The following TTC27 variants were observed in gnomAD, a reference collection of about 807,000 sequenced individuals.
The protein encoded by TTC27 is tetratricopeptide repeat domain 27.
In TTC27, 79 loss-of-function variants were observed where a neutral mutation model predicts 115.9. The observed-to-expected ratio is 0.68, with a 90% CI of 0.57 to 0.82. The LOEUF is 0.82. TTC27 is among the 40% of genes least tolerant of loss of function. TTC27 has a pLI of 0.00. For synonymous variants in TTC27, 401 were observed against 356.0 expected (o/e 1.13, Z -1.42); for missense variants, 1,054 against 993.1 (o/e 1.06, Z -0.82).
chr2:32,668,202 A>T (rs1665863400), intron 7 of TTC27, among the ~76,000 whole-genome samples: 1 of 151,522 alleles, frequency 6.6e-6, no homozygotes, highest in Non-Finnish European at 1.5e-5. Context: ...AAAAAAAGAA[A>T]ATAAACAAAA....
At chr2:32,769,202 C>G (rs1168426988) in intron 13 of TTC27, among the ~76,000 whole-genome samples, 1 of 152,224 alleles carries the variant, frequency 6.6e-6, no homozygotes, top group Non-Finnish European at 1.5e-5. Context: ...TGAAACAGGA[C>G]TCAAAGTACA....
intron 10 of TTC27, among the ~76,000 whole-genome samples, chr2:32,732,223 GGCA>G (rs1659821932): frequency 6.6e-6 from 1 of 152,092 alleles, no homozygotes; most frequent in Admixed American, 6.6e-5. Context: ...AACAGCTTTG[GGCA>G]GCAGCATGCA....
chr2:32,630,762 C>T, intron 2 of TTC27, 62 bp downstream of exon 2: 1 of 1,456,634 alleles, frequency 6.9e-7, no homozygotes, highest in South Asian at 1.4e-5. Context: ...AGCACCTTGA[C>T]AGGGTAAGGC....
intron 7 of TTC27, among the ~76,000 whole-genome samples, chr2:32,667,940 G>A (rs917702217): frequency 1.3e-5 from 2 of 151,490 alleles, no homozygotes; most frequent in African/African-American, 4.8e-5. Flanking sequence ...TGTAATCCCA[G>A]CACTTTGGGA....
chr2:32,703,746 G>T (rs565344088), intron 10 of TTC27, among the ~76,000 whole-genome samples: 2 of 152,262 alleles, frequency 1.3e-5, no homozygotes, highest in East Asian at 3.9e-4. Context: ...TATCCATGAT[G>T]CAAATTTATT....
At chr2:32,801,834 G>C (rs1670950996) in intron 16 of TTC27, among the ~76,000 whole-genome samples, 1 of 152,220 alleles carries the variant, frequency 6.6e-6, no homozygotes, top group Admixed American at 6.5e-5. Context: ...ACATCTGGAA[G>C]TGACGAAAGA....
At chr2:32,770,191 C>T (rs1193666280) in intron 13 of TTC27, among the ~76,000 whole-genome samples, 2 of 152,152 alleles carry the variant, frequency 1.3e-5, no homozygotes, top group Admixed American at 1.3e-4. Context: ...ATGAGAATAG[C>T]AACTAATGCT....
chr2:32,694,085 T>C (rs1176559046), intron 9 of TTC27, among the ~76,000 whole-genome samples: 1 of 152,236 alleles, frequency 6.6e-6, no homozygotes, highest in Non-Finnish European at 1.5e-5. Flanking sequence ...GCTAACTCTC[T>C]AGTCGTCAGC....
intron 18 of TTC27, among the ~76,000 whole-genome samples, chr2:32,816,021 A>C (rs1320364281): frequency 6.6e-6 from 1 of 152,172 alleles, no homozygotes; most frequent in African/African-American, 2.4e-5. Context: ...TTTGCGTGCA[A>C]AAAGAAATCT....
chr2:32,782,402 G>A (rs1254530130), intron 14 of TTC27, among the ~76,000 whole-genome samples: 2 of 152,084 alleles, frequency 1.3e-5, no homozygotes, highest in Non-Finnish European at 2.9e-5. Context: ...TTGCTAATTG[G>A]TACAATAATA....
intron 10 of TTC27, among the ~76,000 whole-genome samples, chr2:32,714,391 C>A (rs764544859): frequency 3.9e-5 from 6 of 152,062 alleles, no homozygotes; most frequent in Non-Finnish European, 8.8e-5. Context: ...ATCTCCTGAC[C>A]TTGTGATCTG....
intron 9 of TTC27, 35 bp from the exon 10 acceptor site, chr2:32,702,772 C>A: frequency 1.4e-6 from 2 of 1,434,214 alleles, no homozygotes; most frequent in South Asian, 1.2e-5. Context: ...TAGCTTATCT[C>A]TTTTCTATGA....
In TTC27 at chr2:32,630,565, A is replaced by G; in HGVS notation, c.131A>G (p.Glu44Gly). Reference sequence around the variant, plus strand: ...CAATTGCTACTGGAAGGGAACTATGAAGCCATATTCTTAAATTCAATGACT... The same window carrying G: ...CAATTGCTACTGGAAGGGAACTATGGAGCCATATTCTTAAATTCAATGACT... ...FLQLLLEGNYEAIFLNSMTQN... is the reference protein window; with the variant it reads ...FLQLLLEGNYGAIFLNSMTQN... Residue 44 changes from glutamate (E) to glycine (G), a missense_variant, in exon 2 of 20, where the codon GAA becomes GGA. Transcript: ENST00000317907. 1 of 1,612,670 alleles carries G rather than the reference A, an allele frequency of 6.2e-7. No homozygotes were observed. Among genetic ancestry groups the G allele is most frequent in the African/African-American group, 1.3e-5 (1 of 74,986 alleles).
chr2:32,657,498 C>T (rs1394060955), intron 5 of TTC27, among the ~76,000 whole-genome samples: 4 of 151,842 alleles, frequency 2.6e-5, no homozygotes, highest in Admixed American at 6.6e-5. Flanking sequence ...GGACTACAGG[C>T]GCCTGCCACC....
chr2:32,720,011 A>G (rs1432328438), intron 10 of TTC27, among the ~76,000 whole-genome samples: 1 of 152,226 alleles, frequency 6.6e-6, no homozygotes, highest in Non-Finnish European at 1.5e-5. Flanking sequence ...AGCTAATAAT[A>G]GTAACATAAT....
intron 12 of TTC27, among the ~76,000 whole-genome samples, chr2:32,752,089 G>C (rs968869544): frequency 3.9e-5 from 6 of 152,080 alleles, no homozygotes; most frequent in Non-Finnish European, 7.3e-5. Flanking sequence ...TGCTCATAAT[G>C]CTTCCAGGTT....
chr2:32,732,217 G>T (rs1179329342), intron 10 of TTC27, among the ~76,000 whole-genome samples: 2 of 152,146 alleles, frequency 1.3e-5, no homozygotes, highest in Non-Finnish European at 2.9e-5. Flanking sequence ...CAACTAAACA[G>T]CTTTGGGCAG....
chr2:32,747,027 C>T (rs1487969575), intron 12 of TTC27, among the ~76,000 whole-genome samples: 1 of 152,194 alleles, frequency 6.6e-6, no homozygotes, highest in Non-Finnish European at 1.5e-5. Flanking sequence ...GGTGACTGCT[C>T]TAGTGTTTCT....
chr2:32,754,846 C>T lies in TTC27; in HGVS notation c.1453-3446C>T, dbSNP rs1225153134. Among the ~76,000 whole-genome samples the T allele has an allele frequency of 6.7e-3, 1,002 of 149,308 alleles. 16 individuals are homozygous for T. The highest frequency in any genetic ancestry group is 0.023 in the African/African-American group (948 of 40,426). Reference sequence around the variant, plus strand: ...GGGCTGACCCCCCCCACCTCCCTCCCGGACGGGGCGGCTGGCCAGGCGGGG... The same window carrying T: ...GGGCTGACCCCCCCCACCTCCCTCCTGGACGGGGCGGCTGGCCAGGCGGGG... On this transcript the variant is annotated intron_variant, in intron 12 of 19. Coordinates refer to ENST00000317907, the MANE Select transcript of TTC27 (RefSeq NM_017735.5).
Sources: gnomAD v4.1 joint callset for allele counts (sites outside exome capture counted in the v4.1 genomes callset) on GRCh38, gnomAD v4.1.1 for gene constraint, MANE v1.5 for transcripts, NCBI Gene and HGNC (gene_info 2026-07-23, HGNC 2026-07-21) for gene names.